The following ETV1 variants were observed in gnomAD, a reference collection of about 807,000 sequenced individuals.
ETV1 encodes ETS translocation variant 1.
Under a neutral mutation model 62.3 loss-of-function variants are expected in ETV1, and 27 were observed. The ratio of observed to expected loss-of-function variants is 0.43; its 90% CI spans 0.32 to 0.60. The LOEUF (loss-of-function observed/expected upper bound fraction) is 0.60, where lower values mean the gene tolerates loss of function less well. Ranked by LOEUF, ETV1 falls within the 20% of genes least tolerant of loss-of-function variation. ETV1 has a pLI of 0.06. For missense variants in ETV1, 605 were observed against 605.8 expected (o/e 1.00, Z 0.01); for synonymous variants, 222 against 199.6 (o/e 1.11, Z -0.94).
At chr7:13,904,668 T>C (rs2237296) in intron 12 of ETV1, among the ~76,000 whole-genome samples, 49,249 of 151,564 alleles carry the variant, frequency 0.32, 8,265 homozygotes, top group African/African-American at 0.39. Context: ...TGAAGGGAAA[T>C]AACTGTTTAA....
intron 12 of ETV1, among the ~76,000 whole-genome samples, chr7:13,901,056 G>A (rs1562584929): frequency 6.7e-6 from 1 of 150,348 alleles, no homozygotes; most frequent in Admixed American, 6.6e-5. Flanking sequence ...CAGGCTGGGA[G>A]TGCAGTGGCG....
At chr7:13,898,298 A>G (rs1388394599) in intron 13 of ETV1, among the ~76,000 whole-genome samples, 1 of 152,246 alleles carries the variant, frequency 6.6e-6, no homozygotes, top group East Asian at 1.9e-4. Context: ...AGATAGCTTT[A>G]GAGCTGTGCT....
Position 13,891,752 on chromosome 7 carries a change from C to A in ETV1, c.*4114G>T, listed in dbSNP as rs946769319. On this transcript the variant is annotated 3_prime_UTR_variant, in exon 14 of 14. Coordinates refer to ENST00000430479, the MANE Select transcript of ETV1 (RefSeq NM_004956.5). ...AGAATTGCTTAATATGTACATTTGC[C>A]TTCTTTATATTTTTTCCACCATCAC... 2 of 231,672 alleles carry A rather than the reference C, an allele frequency of 8.6e-6. No homozygotes were observed. Among genetic ancestry groups the A allele is most frequent in the Non-Finnish European group, 1.7e-5 (2 of 117,300 alleles). 14.4% of individuals were successfully genotyped at this position (231,672 alleles called of 1,614,324 possible). A position where few individuals can be genotyped will look rare whatever the true frequency, so the allele number is the denominator to read the frequency against.
At chr7:13,917,895 C>T (rs922450916) in intron 9 of ETV1, among the ~76,000 whole-genome samples, 2 of 151,590 alleles carry the variant, frequency 1.3e-5, no homozygotes, top group Non-Finnish European at 1.5e-5. Flanking sequence ...ACCCGGGAGG[C>T]GGAGCTTGCA....
intron 6 of ETV1, among the ~76,000 whole-genome samples, chr7:13,949,615 G>A (rs181289667): frequency 6.6e-6 from 1 of 152,002 alleles, no homozygotes; most frequent in African/African-American, 2.4e-5. Context: ...TTACTAAAGG[G>A]CCTAATCTCA....
At chr7:13,990,121 T>C (rs1400562035), upstream of ETV1, among the ~76,000 whole-genome samples, 1 of 152,136 alleles carries the variant, frequency 6.6e-6, no homozygotes, top group African/African-American at 2.4e-5. Flanking sequence ...ACCTCTCTAC[T>C]CTTGCCCTGA....
chr7:13,982,343 C>T (rs1416774379), intron 5 of ETV1, among the ~76,000 whole-genome samples: 1 of 151,984 alleles, frequency 6.6e-6, no homozygotes, highest in Non-Finnish European at 1.5e-5. Flanking sequence ...TGCACATTTC[C>T]TATAACTGAA....
chr7:13,895,020 T>A lies in ETV1; in HGVS notation c.*846A>T, dbSNP rs961316806. 1.3e-5 allele frequency: 3 copies of A among 233,178 alleles called. No individual in the cohort carries two copies. The highest frequency in any genetic ancestry group is 6.6e-5 in the African/African-American group (3 of 45,342). 14.4% of individuals were successfully genotyped at this position (233,178 alleles called of 1,614,324 possible). A position where few individuals can be genotyped will look rare whatever the true frequency, so the allele number is the denominator to read the frequency against. ...ACAGATATTTTTTGCTTCATTTTGA[T>A]TCCAGATTTAACATTTAAATGAAGA... On this transcript the variant is annotated 3_prime_UTR_variant, in exon 14 of 14. Coordinates refer to ENST00000430479, the MANE Select transcript of ETV1 (RefSeq NM_004956.5).
In ETV1 at chr7:13,894,092, A is replaced by G. The variant is rs992769102; in HGVS notation, c.*1774T>C. 4.3e-6 allele frequency: 1 copy of G among 232,616 alleles called. No individual in the cohort carries two copies. Among genetic ancestry groups the G allele is most frequent in the East Asian group, 6.1e-5 (1 of 16,478 alleles). 14.4% of individuals were successfully genotyped at this position (232,616 alleles called of 1,614,324 possible). ...TAGCTGGGGGGATCATCTTTAAACA[A>G]TCTTTTTCATGCTCATCACGAAATG... On this transcript the variant is annotated 3_prime_UTR_variant, in exon 14 of 14. Transcript: ENST00000430479.
intron 9 of ETV1, among the ~76,000 whole-genome samples, chr7:13,925,525 G>T (rs1342822378): frequency 6.6e-6 from 1 of 151,644 alleles, no homozygotes; most frequent in Non-Finnish European, 1.5e-5. Flanking sequence ...GGACTGACGT[G>T]ATGAGTTTGG....
At chr7:13,989,235 C>G (rs1377138652) in intron 2 of ETV1, 33 bp downstream of exon 2, 6 of 577,848 alleles carry the variant, frequency 1.0e-5, no homozygotes, top group African/African-American at 9.6e-5. Context: ...GTCCCATTCA[C>G]AAAAATAACC....
intron 6 of ETV1, among the ~76,000 whole-genome samples, chr7:13,970,307 CACACACACACACACACACA>C (rs1780766129): frequency 1.3e-5 from 1 of 76,986 alleles, no homozygotes; most frequent in South Asian, 3.4e-4. Flanking sequence ...CACACACACA[CACACACACACACACACACA>C]AAGCAGCAAC....
intron 6 of ETV1, among the ~76,000 whole-genome samples, chr7:13,970,093 A>G (rs958824420): frequency 2.0e-5 from 3 of 149,772 alleles, no homozygotes; most frequent in Non-Finnish European, 4.4e-5. Context: ...CGTCTCTACT[A>G]AAAATACAAA....
At chr7:13,937,084 C>T (rs183015812) in intron 7 of ETV1, among the ~76,000 whole-genome samples, 103 of 152,156 alleles carry the variant, frequency 6.8e-4, no homozygotes, top group African/African-American at 2.4e-3. Flanking sequence ...ATCATCAGTA[C>T]ACTTTTTTCT....
rs768827110 is a variant in ETV1 at position 13,931,582 on chromosome 7, A to G, written c.722T>C (p.Met241Thr). Residue 241 changes from methionine to threonine, a missense_variant, in exon 9 of 14, where the codon ATG becomes ACG. Coordinates refer to ENST00000430479, the MANE Select transcript of ETV1 (RefSeq NM_004956.5). ...YHDPVYEHNT[M>T]VGSAASQSFP... ...GCTTTGGCTGGCCGCACTGCCAACC[A>G]TGGTGTTGTGTTCATACACTGGGTC... 6.2e-7 allele frequency: 1 copy of G among 1,614,038 alleles called. No individual in the cohort carries two copies. The highest frequency in any genetic ancestry group is 8.5e-7 in the Non-Finnish European group (1 of 1,179,892).
At chr7:13,904,226 A>T (rs901697709) in intron 12 of ETV1, among the ~76,000 whole-genome samples, 3 of 152,250 alleles carry the variant, frequency 2.0e-5, no homozygotes. Flanking sequence ...CATTTTGAAC[A>T]AAAGCCTTAG....
At chr7:13,986,842 C>A in intron 4 of ETV1, 157 bp from the exon 5 acceptor site, 1 of 608,338 alleles carries the variant, frequency 1.6e-6, no homozygotes. Flanking sequence ...TTAAATATCT[C>A]AATAATACTG....
At chr7:13,978,772 T>A (rs1007619355) in intron 5 of ETV1, among the ~76,000 whole-genome samples, 1 of 152,044 alleles carries the variant, frequency 6.6e-6, no homozygotes, top group African/African-American at 2.4e-5. Flanking sequence ...TTTTTATTAG[T>A]TTAATATTAT....
chr7:13,958,714 G>A (rs890219865), intron 6 of ETV1: 2 of 152,174 alleles, frequency 1.3e-5, no homozygotes, highest in Non-Finnish European at 2.9e-5. Context: ...CTTGGCTGCT[G>A]TGTGACACAG....
Sources: gnomAD v4.1 joint callset for allele counts (sites outside exome capture counted in the v4.1 genomes callset) on GRCh38, gnomAD v4.1.1 for gene constraint, MANE v1.5 for transcripts, NCBI Gene and HGNC (gene_info 2026-07-23, HGNC 2026-07-21) for gene names.